Variants in PCCA observed in about 807,000 individuals in gnomAD.
PCCA encodes the protein propionyl-CoA carboxylase subunit alpha.
A neutral mutation model predicts 101.3 loss-of-function variants in PCCA; 74 were observed. That is an observed-to-expected ratio of 0.73 (90% confidence interval 0.61 to 0.89). The LOEUF is 0.89. Ranked by LOEUF, PCCA falls within the 40% of genes least tolerant of loss-of-function variation. The pLI is 0.00. For missense variants in PCCA, 891 were observed against 907.0 expected, an observed-to-expected ratio of 0.98 and a Z score of 0.23; for synonymous variants, 294 against 313.6, an observed-to-expected ratio of 0.94 and a Z score of 0.66.
chr13:100,251,898 A>C (rs938496654), intron 8 of PCCA, among the ~76,000 whole-genome samples: 4 of 152,172 alleles, frequency 2.6e-5, no homozygotes, highest in African/African-American at 9.7e-5. Context: ...CTATCAAACA[A>C]CCACCCTGGG....
intron 21 of PCCA, among the ~76,000 whole-genome samples, chr13:100,497,200 TGCA>T (rs1277937091): frequency 1.3e-5 from 2 of 152,228 alleles, no homozygotes; most frequent in African/African-American, 4.8e-5. Flanking sequence ...TTAATTTGGT[TGCA>T]CTGGAAATTG....
intron 23 of PCCA, among the ~76,000 whole-genome samples, chr13:100,528,095 G>A (rs2088005320): frequency 6.6e-6 from 1 of 152,174 alleles, no homozygotes; most frequent in Non-Finnish European, 1.5e-5. Context: ...TGACACAGCA[G>A]CAAATGGTTT....
At chr13:100,206,028 A>G (rs1004988106) in intron 6 of PCCA, among the ~76,000 whole-genome samples, 2 of 152,094 alleles carry the variant, frequency 1.3e-5, no homozygotes, top group Non-Finnish European at 2.9e-5. Context: ...GCTACTTCCT[A>G]CGTATGTGCT....
At chr13:100,165,173 T>C (rs2054899878) in intron 6 of PCCA, among the ~76,000 whole-genome samples, 1 of 151,574 alleles carries the variant, frequency 6.6e-6, no homozygotes, top group Non-Finnish European at 1.5e-5. Flanking sequence ...CTTTTGCTTC[T>C]TTTTAGTATA....
intron 21 of PCCA, among the ~76,000 whole-genome samples, chr13:100,495,619 G>A (rs764885169): frequency 1.3e-5 from 2 of 152,168 alleles, no homozygotes; most frequent in Non-Finnish European, 2.9e-5. Flanking sequence ...CTGCTGTCCA[G>A]TTTGTTGGGT....
chr13:100,323,887 C>T (rs1371150559), intron 16 of PCCA, among the ~76,000 whole-genome samples: 2 of 152,268 alleles, frequency 1.3e-5, no homozygotes, highest in South Asian at 2.1e-4. Context: ...GAGAGGTTAA[C>T]TAACTTACCT....
intron 8 of PCCA, among the ~76,000 whole-genome samples, chr13:100,246,501 T>TG (rs2061434830): frequency 1.3e-5 from 2 of 152,010 alleles, no homozygotes; most frequent in Non-Finnish European, 2.9e-5. Context: ...GTTGTTTTTG[T>TG]ATTTTTTGTA....
intron 6 of PCCA, among the ~76,000 whole-genome samples, chr13:100,206,694 A>G (rs1314183726): frequency 6.6e-6 from 1 of 152,192 alleles, no homozygotes; most frequent in African/African-American, 2.4e-5. Context: ...ACCTTGGCAT[A>G]TAAGCTGAAG....
chr13:100,501,587 C>T (rs1355635487), intron 21 of PCCA, among the ~76,000 whole-genome samples: 3 of 152,072 alleles, frequency 2.0e-5, no homozygotes, highest in Non-Finnish European at 4.4e-5. Context: ...GAAATGCAGA[C>T]CCCAGGCCCA....
At chr13:100,089,639 A>G (rs1360973680) in intron 1 of PCCA, among the ~76,000 whole-genome samples, 1 of 152,156 alleles carries the variant, frequency 6.6e-6, no homozygotes, top group Non-Finnish European at 1.5e-5. Context: ...AGCATTTTTG[A>G]AGGGACACTG....
chr13:100,418,602 AG>A (rs1210825169), intron 19 of PCCA, among the ~76,000 whole-genome samples: 3 of 152,170 alleles, frequency 2.0e-5, no homozygotes, highest in Non-Finnish European at 4.4e-5. Flanking sequence ...GCACTTTGGG[AG>A]GCCGAGGTGG....
intron 6 of PCCA, among the ~76,000 whole-genome samples, chr13:100,201,520 C>A (rs1252151875): frequency 6.6e-6 from 1 of 152,012 alleles, no homozygotes; most frequent in Admixed American, 6.6e-5. Context: ...AACCCCCACC[C>A]CCAATAATTA....
Position 100,452,655 on chromosome 13 carries a change from T to TG in PCCA, c.1899+3350_1899+3351insG, listed in dbSNP as rs1327834864. ...CCCCTCGCCCACTTTATTTATTTAT[T>TG]TTTTTCATTAGCAGTTACCACTGCT... On this transcript the variant is annotated intron_variant, in intron 21 of 23. Transcript: ENST00000376285. Among the ~76,000 whole-genome samples the TG allele has an allele frequency of 3.3e-5, 5 of 152,186 alleles. No homozygotes were observed. In the East Asian group the frequency reaches 9.7e-4, roughly 29 times the overall value.
rs79429951 is a variant in PCCA at position 100,185,908 on chromosome 13, A to G, written c.469-23424A>G. Among the ~76,000 whole-genome samples, 129 of 152,312 alleles carry G rather than the reference A, an allele frequency of 8.5e-4. 1 individual carries two copies. In the East Asian group the frequency reaches 0.022, roughly 26 times the overall value. On this transcript the variant is annotated intron_variant, in intron 6 of 23. Coordinates refer to ENST00000376285, the MANE Select transcript of PCCA (RefSeq NM_000282.4). ...GCGATCCACCCGCCTTGGCCTCCCAAAGTGCTGGGATTACAGGCGTAAGCC... is the reference window on the plus strand; with the variant it reads ...GCGATCCACCCGCCTTGGCCTCCCAGAGTGCTGGGATTACAGGCGTAAGCC...
chr13:100,485,504 G>T lies in PCCA; in HGVS notation c.1900-29923G>T, dbSNP rs1212718076. ...AGTTGAGTTATTGCTTAGGTCAATT[G>T]TAAGAGGAGTTTCTCTGAAAGAGTT... On this transcript the variant is annotated intron_variant, in intron 21 of 23. Coordinates refer to ENST00000376285, the MANE Select transcript of PCCA (RefSeq NM_000282.4). 5.9e-5 allele frequency among the ~76,000 whole-genome samples: 9 copies of T among 152,246 alleles called. 1 individual carries two copies. Among genetic ancestry groups the T allele is most frequent in the Admixed American group, 5.9e-4 (9 of 15,290 alleles).
At chr13:100,421,823 T>C (rs980994791) in intron 19 of PCCA, among the ~76,000 whole-genome samples, 5 of 152,106 alleles carry the variant, frequency 3.3e-5, no homozygotes, top group Non-Finnish European at 5.9e-5. Context: ...TAGCTGGGAC[T>C]ACAGGCACCC....
intron 12 of PCCA, among the ~76,000 whole-genome samples, chr13:100,295,981 T>C (rs917262489): frequency 2.0e-5 from 3 of 152,248 alleles, no homozygotes; most frequent in South Asian, 2.1e-4. Context: ...ACCTTCAGGA[T>C]GACTTGCCTG....
chr13:100,522,839 T>C (rs768770445), intron 22 of PCCA, among the ~76,000 whole-genome samples: 1 of 152,222 alleles, frequency 6.6e-6, no homozygotes, highest in African/African-American at 2.4e-5. Context: ...AATTGAGAAA[T>C]GGAATACTGT....
At chr13:100,124,459 C>T (rs201879550) in intron 4 of PCCA, among the ~76,000 whole-genome samples, 10 of 152,284 alleles carry the variant, frequency 6.6e-5, no homozygotes, top group Admixed American at 2.0e-4. Context: ...ATCCCTGGTG[C>T]GCACTGTAGT....
Sources: gnomAD v4.1 joint callset for allele counts (sites outside exome capture counted in the v4.1 genomes callset) on GRCh38, gnomAD v4.1.1 for gene constraint, MANE v1.5 for transcripts, NCBI Gene and HGNC (gene_info 2026-07-23, HGNC 2026-07-21) for gene names.